The following RGS9 variants were observed in gnomAD, a reference collection of about 807,000 sequenced individuals.
RGS9 encodes regulator of G-protein signalling 9.
Under a neutral mutation model 102.0 loss-of-function variants are expected in RGS9, and 78 were observed. That is an observed-to-expected ratio of 0.76 (90% CI 0.64 to 0.92). The LOEUF is 0.92. Among genes scored for constraint, RGS9 ranks in the 40% least tolerant of loss-of-function variants. The pLI is 0.00. For synonymous variants in RGS9, 353 were observed against 318.6 expected (o/e 1.11, Z -1.15); for missense variants, 833 against 866.1 (o/e 0.96, Z 0.48).
At chr17:65,194,425 T>C (rs1373709821) in intron 12 of RGS9, among the ~76,000 whole-genome samples, 2 of 152,198 alleles carry the variant, frequency 1.3e-5, no homozygotes, top group Non-Finnish European at 2.9e-5. Context: ...AGGAGTGGAA[T>C]TGCTGAGTCA....
In RGS9 at chr17:65,178,480, C is replaced by CTATTTATTTATT. The variant is rs146258319; in HGVS notation, c.654+692_654+703dup. On this transcript the variant is annotated intron_variant, in intron 9 of 18. Transcript: ENST00000262406. ...TGGGCCAGATAATTCTTTTTTTTTC[C>CTATTTATTTATT]TATTTATTTATTTATTTATTTATTT... Among the ~76,000 whole-genome samples the CTATTTATTTATT allele has an allele frequency of 9.6e-3, 1,437 of 150,382 alleles. 23 individuals are homozygous for CTATTTATTTATT. The highest frequency in any genetic ancestry group is 0.034 in the African/African-American group (1,363 of 40,618).
At chr17:65,201,459 A>C (rs1316630758) in intron 13 of RGS9, among the ~76,000 whole-genome samples, 1 of 152,214 alleles carries the variant, frequency 6.6e-6, no homozygotes, top group Non-Finnish European at 1.5e-5. Context: ...AAGCACAGCC[A>C]AACAAAGGAG....
At chr17:65,198,795 C>G (rs999170759) in intron 13 of RGS9, among the ~76,000 whole-genome samples, 22 of 152,240 alleles carry the variant, frequency 1.4e-4, no homozygotes, top group Admixed American at 1.3e-3. Context: ...TCCTACTGGA[C>G]ATGCCTTTAG....
At chr17:65,202,923 T>C (rs532136244) in intron 14 of RGS9, among the ~76,000 whole-genome samples, 3 of 152,288 alleles carry the variant, frequency 2.0e-5, no homozygotes, top group Admixed American at 2.0e-4. Flanking sequence ...GAGTCCTGGA[T>C]ACTGAGGGCC....
chr17:65,172,782 G>T (rs2144024972), intron 8 of RGS9, among the ~76,000 whole-genome samples: 1 of 152,254 alleles, frequency 6.6e-6, no homozygotes, highest in African/African-American at 2.4e-5. Context: ...TCTGCGTCCG[G>T]TTGGGGGTCA....
At chr17:65,157,090 C>T (rs1598567599) in intron 2 of RGS9, among the ~76,000 whole-genome samples, 2 of 151,894 alleles carry the variant, frequency 1.3e-5, no homozygotes, top group Admixed American at 6.6e-5. Flanking sequence ...GCACCGCCTC[C>T]GAGGAGGGAA....
chr17:65,169,429 C>T (rs1222195985), intron 8 of RGS9, among the ~76,000 whole-genome samples: 1 of 152,180 alleles, frequency 6.6e-6, no homozygotes, highest in Non-Finnish European at 1.5e-5. Flanking sequence ...AAGCACCCCT[C>T]CTGGTTGGTA....
At chr17:65,150,330 C>T (rs987129693) in intron 1 of RGS9, among the ~76,000 whole-genome samples, 2 of 152,084 alleles carry the variant, frequency 1.3e-5, no homozygotes, top group Non-Finnish European at 2.9e-5. Context: ...TTGTAAAATT[C>T]AACCTAGGAG....
intron 9 of RGS9, among the ~76,000 whole-genome samples, chr17:65,183,114 ACC>A (rs1911963493): frequency 2.0e-5 from 3 of 151,742 alleles, no homozygotes; most frequent in Non-Finnish European, 2.9e-5. Context: ...CTATCTACCT[ACC>A]TACCTACATA....
At chr17:65,217,012 G>A (rs911318786) in intron 17 of RGS9, among the ~76,000 whole-genome samples, 1 of 152,094 alleles carries the variant, frequency 6.6e-6, no homozygotes, top group Admixed American at 6.6e-5. Context: ...TAAGAGGGAA[G>A]CTTGGACGAG....
chr17:65,215,478 A>ATCTTTCTTTCAT (rs1256405645), intron 17 of RGS9, among the ~76,000 whole-genome samples: 6 of 114,890 alleles, frequency 5.2e-5, no homozygotes, highest in African/African-American at 2.0e-4. Context: ...TTCTTTCTCT[A>ATCTTTCTTTCAT]TCTTTCTTTC....
chr17:65,183,824 C>T (rs908089), intron 9 of RGS9, among the ~76,000 whole-genome samples: 44,782 of 152,098 alleles, frequency 0.29, 10,074 homozygotes, highest in African/African-American at 0.63. Flanking sequence ...GCACTCCTGC[C>T]GGTGGCCTGA....
At chr17:65,184,414 CG>C (rs1912023319) in intron 9 of RGS9, among the ~76,000 whole-genome samples, 1 of 152,164 alleles carries the variant, frequency 6.6e-6, no homozygotes, top group Non-Finnish European at 1.5e-5. Context: ...TAAATTGTGC[CG>C]CTCACGTGCT....
chr17:65,222,440 T>G (rs555776212), intron 17 of RGS9, among the ~76,000 whole-genome samples: 1 of 152,096 alleles, frequency 6.6e-6, no homozygotes, highest in East Asian at 1.9e-4. Flanking sequence ...AGGACAGGGG[T>G]GGGAATCCTA....
At chr17:65,210,383 A>G in intron 16 of RGS9, 105 bp from the exon 17 acceptor site, 1 of 1,384,082 alleles carries the variant, frequency 7.2e-7, no homozygotes, top group Non-Finnish European at 1.0e-6. Flanking sequence ...GGAACAAAAT[A>G]TAGATTCTGG....
At chr17:65,146,443 C>T in intron 1 of RGS9, among the ~76,000 whole-genome samples, 1 of 152,004 alleles carries the variant, frequency 6.6e-6, no homozygotes, top group South Asian at 2.1e-4. Flanking sequence ...CAAAAATTAG[C>T]TGGGTTTGGT....
At chr17:65,210,352 G>C in intron 16 of RGS9, 136 bp from the exon 17 acceptor site, 2 of 1,089,388 alleles carry the variant, frequency 1.8e-6, no homozygotes, top group South Asian at 2.5e-5. Context: ...GACCCCACTG[G>C]AGGTTCACTG....
At chr17:65,148,621 G>A (rs954393092) in intron 1 of RGS9, among the ~76,000 whole-genome samples, 4 of 152,144 alleles carry the variant, frequency 2.6e-5, no homozygotes, top group Admixed American at 2.6e-4. Flanking sequence ...CTTGGAGTGC[G>A]GCCTGGTCCT....
chr17:65,180,215 A>T (rs375135151), intron 9 of RGS9, among the ~76,000 whole-genome samples: 10 of 152,302 alleles, frequency 6.6e-5, no homozygotes, highest in African/African-American at 2.4e-4. Context: ...TGCCAAGAGC[A>T]TGAAGCATCT....
Sources: allele counts gnomAD v4.1 joint callset (sites outside exome capture counted in the v4.1 genomes callset), GRCh38; gene constraint gnomAD v4.1.1; transcripts MANE v1.5; gene names NCBI Gene and HGNC (gene_info 2026-07-23, HGNC 2026-07-21).